The following SHISA9 variants were observed in gnomAD, a reference collection of about 807,000 sequenced individuals.
SHISA9 encodes the protein protein shisa-9.
Under a neutral mutation model 38.0 loss-of-function variants are expected in SHISA9, and 13 were observed. The ratio of observed to expected loss-of-function variants is 0.34; its 90% CI spans 0.22 to 0.54. The LOEUF (loss-of-function observed/expected upper bound fraction) is 0.54, where lower values mean the gene tolerates loss of function less well. Ranked by LOEUF, SHISA9 falls within the 20% of genes least tolerant of loss-of-function variation. The probability of loss-of-function intolerance (pLI) is 0.91; values close to 1 mark genes in which losing one functional copy is unlikely to be tolerated. For synonymous variants in SHISA9, 275 were observed against 242.0 expected (o/e 1.14, Z -1.27); for missense variants, 538 against 575.8 (o/e 0.93, Z 0.67).
chr16:13,219,691 G>T (rs1165135673), intron 4 of SHISA9, among the ~76,000 whole-genome samples: 1 of 152,146 alleles, frequency 6.6e-6, no homozygotes, highest in Non-Finnish European at 1.5e-5. Context: ...AAACCACATG[G>T]ATTAGGAATA....
At chr16:13,149,306 C>T (rs1332749035) in intron 2 of SHISA9, among the ~76,000 whole-genome samples, 2 of 152,136 alleles carry the variant, frequency 1.3e-5, no homozygotes, top group African/African-American at 4.8e-5. Context: ...CATTGAAGGG[C>T]AGCTGGGGAT....
chr16:12,905,396 T>C (rs2071079081), intron 1 of SHISA9, among the ~76,000 whole-genome samples: 1 of 152,052 alleles, frequency 6.6e-6, no homozygotes, highest in Non-Finnish European at 1.5e-5. Flanking sequence ...TCCACAGAGA[T>C]TGTGAATCAA....
the SHISA9 span, among the ~76,000 whole-genome samples, chr16:13,278,463 G>T: frequency 1.3e-5 from 2 of 151,884 alleles, no homozygotes; most frequent in Non-Finnish European, 2.9e-5. Flanking sequence ...TTCTTTCTCT[G>T]TCTTGTGGAA....
At chr16:12,998,872 G>A (rs755990685) in intron 2 of SHISA9, among the ~76,000 whole-genome samples, 5 of 152,100 alleles carry the variant, frequency 3.3e-5, no homozygotes, top group Non-Finnish European at 7.4e-5. Context: ...ATTATTCATG[G>A]TAGATATATT....
chr16:13,305,559 T>C, the SHISA9 span, among the ~76,000 whole-genome samples: 2 of 152,168 alleles, frequency 1.3e-5, no homozygotes, highest in East Asian at 1.9e-4. Context: ...AGTTGCACTG[T>C]TGTAAGCTGC....
At chr16:13,384,059 C>A in the SHISA9 span, among the ~76,000 whole-genome samples, 1 of 152,080 alleles carries the variant, frequency 6.6e-6, no homozygotes, top group Non-Finnish European at 1.5e-5. Context: ...AAATGGTTAA[C>A]GTTAGGAGAG....
chr16:13,335,701 C>A, the SHISA9 span, among the ~76,000 whole-genome samples: 1 of 152,086 alleles, frequency 6.6e-6, no homozygotes, highest in Non-Finnish European at 1.5e-5. Context: ...CTCTGTTATC[C>A]CATGAGCCGT....
At chr16:13,021,263 A>G (rs952941998) in intron 2 of SHISA9, among the ~76,000 whole-genome samples, 6 of 152,134 alleles carry the variant, frequency 3.9e-5, no homozygotes, top group African/African-American at 1.4e-4. Flanking sequence ...CCTGGCATCT[A>G]GTGAGTAAAG....
chr16:13,355,374 C>T, the SHISA9 span, among the ~76,000 whole-genome samples: 11 of 151,572 alleles, frequency 7.3e-5, no homozygotes, highest in African/African-American at 2.2e-4. Flanking sequence ...CATGATTGGT[C>T]ACCAAGGAGG....
At chr16:13,488,595 T>G in the SHISA9 span, among the ~76,000 whole-genome samples, 1 of 152,344 alleles carries the variant, frequency 6.6e-6, no homozygotes, top group East Asian at 1.9e-4. Context: ...GTATTTCATA[T>G]GGCAACATGC....
At position 13,036,624 on chromosome 16, in the gene SHISA9, C is replaced by T. The variant is rs141225995; in HGVS notation, c.691+119809C>T. On this transcript the variant is annotated intron_variant, in intron 2 of 4. Coordinates refer to ENST00000558583, the MANE Select transcript of SHISA9 (RefSeq NM_001145204.3). Reference sequence around the variant, plus strand: ...AAAATGCATGCACTTGCATATAAGCCATAACTCCATAAAGTTGATTTTCAA... The same window carrying T: ...AAAATGCATGCACTTGCATATAAGCTATAACTCCATAAAGTTGATTTTCAA... 3.9e-5 allele frequency among the ~76,000 whole-genome samples: 6 copies of T among 152,006 alleles called. No homozygotes were observed. The East Asian group carries it at 1.2e-3, about 29-fold the overall frequency.
At chr16:13,252,935 G>T in the SHISA9 span, among the ~76,000 whole-genome samples, 6 of 152,258 alleles carry the variant, frequency 3.9e-5, no homozygotes, top group South Asian at 1.2e-3. Context: ...TCTTCTGCCT[G>T]TACCACCCCT....
chr16:13,283,434 C>T, the SHISA9 span, among the ~76,000 whole-genome samples: 1 of 152,226 alleles, frequency 6.6e-6, no homozygotes, highest in African/African-American at 2.4e-5. Flanking sequence ...GTTTAATTGA[C>T]TCACAGTTCC....
At chr16:13,443,526 T>C in the SHISA9 span, among the ~76,000 whole-genome samples, 10 of 152,332 alleles carry the variant, frequency 6.6e-5, no homozygotes, top group African/African-American at 2.4e-4. Context: ...ATCTTTAAAG[T>C]AGCAATCCAA....
At chr16:13,171,204 G>A (rs901817492) in intron 2 of SHISA9, among the ~76,000 whole-genome samples, 1 of 152,110 alleles carries the variant, frequency 6.6e-6, no homozygotes, top group African/African-American at 2.4e-5. Context: ...AACTCATTAA[G>A]GTGGTGGAGA....
chr16:13,153,210 G>A (rs1022550301), intron 2 of SHISA9, among the ~76,000 whole-genome samples: 1 of 152,014 alleles, frequency 6.6e-6, no homozygotes, highest in Non-Finnish European at 1.5e-5. Flanking sequence ...GTTGTTTTAA[G>A]CCACTAAGTT....
At chr16:13,396,521 A>G in the SHISA9 span, among the ~76,000 whole-genome samples, 3 of 152,118 alleles carry the variant, frequency 2.0e-5, no homozygotes, top group Admixed American at 6.6e-5. Context: ...CCAGAAATCA[A>G]TATTAAGGGC....
chr16:13,147,253 C>T (rs204021), intron 2 of SHISA9, among the ~76,000 whole-genome samples: 138,078 of 152,054 alleles, frequency 0.91, 62,895 homozygotes, highest in African/African-American at 0.98. Context: ...GATAAGGAGA[C>T]TGAATTCTAT....
chr16:12,910,826 A>G (rs569011912), intron 1 of SHISA9: 2 of 747,900 alleles, frequency 2.7e-6, no homozygotes, highest in South Asian at 6.0e-5. Flanking sequence ...CTGTACTTGT[A>G]CAAGTCTGAA....
Sources: allele counts gnomAD v4.1 joint callset (sites outside exome capture counted in the v4.1 genomes callset), GRCh38; gene constraint gnomAD v4.1.1; transcripts MANE v1.5; gene names NCBI Gene and HGNC (gene_info 2026-07-23, HGNC 2026-07-21).